Variants in CSMD1 observed in about 807,000 individuals in gnomAD.
The protein encoded by CSMD1 is CUB and Sushi multiple domains 1, also known as CUB and sushi domain-containing protein 1.
In CSMD1, 213 loss-of-function variants were observed where a neutral mutation model predicts 417.5. The observed-to-expected ratio is 0.51, with a 90% CI of 0.46 to 0.57. CSMD1 has a LOEUF of 0.57. Among genes scored for constraint, CSMD1 ranks in the 20% least tolerant of loss-of-function variants. The pLI, the probability that CSMD1 is intolerant of heterozygous loss-of-function variation, is 0.00. For missense variants in CSMD1, 6,923 were observed against 4,529.7 expected, an observed-to-expected ratio of 1.53 and a Z score of -15.17; for synonymous variants, 2,862 against 1,736.8, an observed-to-expected ratio of 1.65 and a Z score of -16.11.
At chr8:4,681,216 G>C (rs1301507049) in intron 1 of CSMD1, among the ~76,000 whole-genome samples, 1 of 152,128 alleles carries the variant, frequency 6.6e-6, no homozygotes, top group Non-Finnish European at 1.5e-5. Context: ...GGAAATGAGA[G>C]AGGTCATTTG....
chr8:4,512,582 C>T (rs900212325), intron 2 of CSMD1, among the ~76,000 whole-genome samples: 7 of 151,978 alleles, frequency 4.6e-5, no homozygotes, highest in Admixed American at 4.6e-4. Flanking sequence ...GCAATTATAG[C>T]AGGGTTGTAG....
intron 1 of CSMD1, among the ~76,000 whole-genome samples, chr8:4,985,312 A>G (rs533530888): frequency 1.9e-4 from 29 of 152,192 alleles, no homozygotes; most frequent in African/African-American, 7.0e-4. Flanking sequence ...ACCCCCCATG[A>G]CACACATTTA....
At chr8:4,912,070 C>T (rs1805713072) in intron 1 of CSMD1, among the ~76,000 whole-genome samples, 1 of 140,286 alleles carries the variant, frequency 7.1e-6, no homozygotes, top group Non-Finnish European at 1.5e-5. Flanking sequence ...AACCTAAATC[C>T]CAGTTCTTTC....
intron 2 of CSMD1, among the ~76,000 whole-genome samples, chr8:4,546,420 C>A (rs770326394): frequency 6.6e-6 from 1 of 152,144 alleles, no homozygotes; most frequent in Non-Finnish European, 1.5e-5. Context: ...GAGTTTGAAT[C>A]GGCAGACTGA....
chr8:4,941,677 C>T (rs1380480865), intron 1 of CSMD1, among the ~76,000 whole-genome samples: 4 of 151,970 alleles, frequency 2.6e-5, no homozygotes, highest in Non-Finnish European at 5.9e-5. Context: ...CAGCTCTCTG[C>T]AGCCTCGATC....
intron 2 of CSMD1, among the ~76,000 whole-genome samples, chr8:4,503,769 G>T (rs999418197): frequency 6.6e-6 from 1 of 151,954 alleles, no homozygotes. Flanking sequence ...CCTATGTCTC[G>T]GGAACTATCA....
At chr8:3,299,613 C>A (rs946707409) in intron 25 of CSMD1, among the ~76,000 whole-genome samples, 4 of 152,020 alleles carry the variant, frequency 2.6e-5, no homozygotes, top group Non-Finnish European at 4.4e-5. Context: ...TTCTGCCTCA[C>A]AAAGTGTGGG....
chr8:3,987,339 G>A (rs1276256843), intron 5 of CSMD1, among the ~76,000 whole-genome samples: 2 of 152,206 alleles, frequency 1.3e-5, no homozygotes, highest in Non-Finnish European at 2.9e-5. Flanking sequence ...AGTACCGACA[G>A]CATCTTTGCA....
intron 3 of CSMD1, among the ~76,000 whole-genome samples, chr8:4,140,478 A>T (rs1285094999): frequency 6.7e-6 from 1 of 149,196 alleles, no homozygotes; most frequent in Non-Finnish European, 1.5e-5. Flanking sequence ...AGTATAAGCA[A>T]CAAAATCCAT....
intron 1 of CSMD1, among the ~76,000 whole-genome samples, chr8:4,711,595 A>C (rs1033749023): frequency 2.0e-5 from 3 of 152,194 alleles, no homozygotes; most frequent in East Asian, 3.9e-4. Flanking sequence ...TTGGTACTAA[A>C]TTAGAAATAT....
chr8:4,205,038 T>C (rs187356212), intron 3 of CSMD1, among the ~76,000 whole-genome samples: 1 of 152,330 alleles, frequency 6.6e-6, no homozygotes, highest in Non-Finnish European at 1.5e-5. Context: ...AAGAGTAATT[T>C]ACCTCTATTT....
At chr8:4,417,281 C>T (rs1050445079) in intron 3 of CSMD1, among the ~76,000 whole-genome samples, 1 of 151,956 alleles carries the variant, frequency 6.6e-6, no homozygotes, top group Non-Finnish European at 1.5e-5. Context: ...TTTCTATTCT[C>T]ATTATGTAGC....
At chr8:4,471,587 G>A (rs11783613) in intron 2 of CSMD1, among the ~76,000 whole-genome samples, 1 of 151,928 alleles carries the variant, frequency 6.6e-6, no homozygotes, top group Non-Finnish European at 1.5e-5. Context: ...TTAGAGAGAG[G>A]TGCAGGGAGA....
At chr8:3,320,311 C>A (rs553545826) in intron 23 of CSMD1, among the ~76,000 whole-genome samples, 1 of 152,132 alleles carries the variant, frequency 6.6e-6, no homozygotes, top group African/African-American at 2.4e-5. Flanking sequence ...CCCTCACACA[C>A]CCTGCCCCTG....
At chr8:4,352,824 A>T (rs1032624493) in intron 3 of CSMD1, among the ~76,000 whole-genome samples, 1 of 152,224 alleles carries the variant, frequency 6.6e-6, no homozygotes, top group East Asian at 1.9e-4. Context: ...AGATGGTTCA[A>T]ACGAACTCAA....
chr8:3,827,035 G>T (rs544689368), intron 5 of CSMD1, among the ~76,000 whole-genome samples: 1 of 152,048 alleles, frequency 6.6e-6, no homozygotes, highest in Non-Finnish European at 1.5e-5. Context: ...TCCCATCTTG[G>T]CCTTTTGAAG....
At chr8:3,948,988 G>A (rs893721272) in intron 5 of CSMD1, among the ~76,000 whole-genome samples, 2 of 151,968 alleles carry the variant, frequency 1.3e-5, no homozygotes, top group Non-Finnish European at 2.9e-5. Context: ...AAGAAGTTGT[G>A]TATATAACAA....
At chr8:3,478,112 C>G (rs942899458) in intron 11 of CSMD1, among the ~76,000 whole-genome samples, 33 of 152,298 alleles carry the variant, frequency 2.2e-4, no homozygotes, top group East Asian at 3.9e-4. Flanking sequence ...CATGCACACG[C>G]CTCACTCAAG....
At chr8:3,383,702 AC>A (rs556106715) in intron 18 of CSMD1, among the ~76,000 whole-genome samples, 364 of 152,118 alleles carry the variant, frequency 2.4e-3, no homozygotes, top group Admixed American at 4.6e-3. Flanking sequence ...TTTACACAAC[AC>A]CTATAATTCA....
Sources: allele counts gnomAD v4.1 joint callset (sites outside exome capture counted in the v4.1 genomes callset), GRCh38; gene constraint gnomAD v4.1.1; transcripts MANE v1.5; gene names NCBI Gene and HGNC (gene_info 2026-07-23, HGNC 2026-07-21).